Variants in PCNX1 observed in about 807,000 individuals in gnomAD.
The protein encoded by PCNX1 is pecanex-like protein 1.
A neutral mutation model predicts 242.2 loss-of-function variants in PCNX1; 78 were observed. The observed-to-expected ratio is 0.32, with a 90% CI of 0.27 to 0.39. The LOEUF (loss-of-function observed/expected upper bound fraction) is 0.39. Ranked by LOEUF, PCNX1 falls within the 10% of genes least tolerant of loss-of-function variation. The pLI is 1.00. For synonymous variants in PCNX1, 1,024 were observed against 1,032.9 expected, an observed-to-expected ratio of 0.99 and a Z score of 0.17; for missense variants, 2,581 against 2,856.5, an observed-to-expected ratio of 0.90 and a Z score of 2.20.
At chr14:70,979,710 A>T (rs2058781119) in intron 6 of PCNX1, among the ~76,000 whole-genome samples, 1 of 152,114 alleles carries the variant, frequency 6.6e-6, no homozygotes, top group African/African-American at 2.4e-5. Flanking sequence ...TTTTTCTCAA[A>T]GATGTTAATT....
chr14:70,965,314 A>C (rs2058343845), intron 3 of PCNX1: 1 of 152,176 alleles, frequency 6.6e-6, no homozygotes, highest in Non-Finnish European at 1.5e-5. Flanking sequence ...ATACTGAAAG[A>C]GATTGTGATC....
chr14:70,968,607 A>G (rs1302117237), intron 4 of PCNX1, among the ~76,000 whole-genome samples: 2 of 152,216 alleles, frequency 1.3e-5, no homozygotes, highest in African/African-American at 4.8e-5. Context: ...AACAAAAAAG[A>G]GCAAGTTATT....
intron 1 of PCNX1, among the ~76,000 whole-genome samples, chr14:70,909,912 G>T (rs750427242): frequency 3.2e-4 from 48 of 152,074 alleles, no homozygotes; most frequent in Non-Finnish European, 5.0e-4. Flanking sequence ...CTTGAGAAAT[G>T]AACTTCCAAA....
At chr14:71,080,770 T>C (rs2061834414) in intron 28 of PCNX1, among the ~76,000 whole-genome samples, 1 of 152,234 alleles carries the variant, frequency 6.6e-6, no homozygotes, top group Admixed American at 6.5e-5. Context: ...GATTTTGGGC[T>C]GAGACAGTGG....
intron 7 of PCNX1, among the ~76,000 whole-genome samples, chr14:70,988,987 CT>C (rs369000511): frequency 8.6e-4 from 124 of 144,300 alleles, no homozygotes; most frequent in South Asian, 3.5e-3. Flanking sequence ...GTCAGCTTTC[CT>C]TTTTTTTTTT....
At chr14:71,043,593 T>G (rs1224256960) in intron 19 of PCNX1, among the ~76,000 whole-genome samples, 1 of 151,160 alleles carries the variant, frequency 6.6e-6, no homozygotes, top group African/African-American at 2.4e-5. Context: ...TTTCTTCTGC[T>G]AGATCTAATC....
In PCNX1 at chr14:70,995,850, A is replaced by G; in HGVS notation, c.2554A>G (p.Asn852Asp). 1.2e-6 allele frequency: 2 copies of G among 1,614,034 alleles called. No individual in the cohort carries two copies. The highest frequency in any genetic ancestry group is 1.7e-6 in the Non-Finnish European group (2 of 1,179,944). The change falls in exon 8 of 36, where the codon AAT (asparagine) becomes GAT (aspartate). Residue 852 changes from asparagine to aspartate, a missense_variant. Transcript: ENST00000304743. ...TGCTAGTGCCTCCTTGCTGGTGAGA[A>G]ATGGGAGTGTCCACTTAGAAGCATC... ...LSASASLLVR[N>D]GSVHLEASHD...
chr14:70,908,114 C>G, intron 1 of PCNX1, 111 bp downstream of exon 1: 2 of 1,052,582 alleles, frequency 1.9e-6, no homozygotes, highest in Non-Finnish European at 2.6e-6. Flanking sequence ...GGGGCCGCCA[C>G]CCTCTCGGTG....
chr14:71,027,160 G>A (rs1043335478), intron 15 of PCNX1: 1 of 286,016 alleles, frequency 3.5e-6, no homozygotes, highest in African/African-American at 2.2e-5. Context: ...GAATTTACAT[G>A]GAGCCTACAT....
chr14:71,088,294 C>T (rs1287238131), intron 28 of PCNX1, 36 bp from the exon 29 acceptor site: 2 of 1,203,546 alleles, frequency 1.7e-6, no homozygotes, highest in Admixed American at 1.7e-5. Flanking sequence ...TACTTACATA[C>T]CTTTCTGATA....
rs765395307 is a variant in PCNX1 at position 71,109,606 on chromosome 14, C to G, written c.6885+14C>G. 6.2e-7 allele frequency: 1 copy of G among 1,613,828 alleles called. No individual in the cohort carries two copies. Among genetic ancestry groups the G allele is most frequent in the Non-Finnish European group, 8.5e-7 (1 of 1,179,866 alleles). On this transcript the variant is annotated intron_variant, in intron 35 of 35. Coordinates refer to ENST00000304743, the MANE Select transcript of PCNX1 (RefSeq NM_014982.3). Reference sequence around the variant, plus strand: ...ATGGAAGGCCATGTAAGTTCTTTTACAAGCTGGCGGTCTGGGGCTCTGCCT... The same window carrying G: ...ATGGAAGGCCATGTAAGTTCTTTTAGAAGCTGGCGGTCTGGGGCTCTGCCT...
At chr14:70,996,908 T>C (rs1173116674) in intron 8 of PCNX1, among the ~76,000 whole-genome samples, 1 of 152,166 alleles carries the variant, frequency 6.6e-6, no homozygotes, top group African/African-American at 2.4e-5. Context: ...GTAAAAATGC[T>C]GAGTTGTAGA....
chr14:71,037,168 T>C (rs1382111844), intron 19 of PCNX1, among the ~76,000 whole-genome samples: 2 of 151,160 alleles, frequency 1.3e-5, no homozygotes, highest in Non-Finnish European at 3.0e-5. Context: ...AAGTTGCTTA[T>C]CAGCTTAAGG....
At position 70,966,717 on chromosome 14, in the gene PCNX1, C is replaced by T. The variant is rs565496319; in HGVS notation, c.469-1481C>T. Reference sequence around the variant, plus strand: ...CTTCTGAGCAAATGACTACCATATCCGTGTTTAAAAATTTTTTTTTTAAGT... The same window carrying T: ...CTTCTGAGCAAATGACTACCATATCTGTGTTTAAAAATTTTTTTTTTAAGT... On this transcript the variant is annotated intron_variant, in intron 3 of 35. Coordinates refer to ENST00000304743, the MANE Select transcript of PCNX1 (RefSeq NM_014982.3). Among the ~76,000 whole-genome samples the T allele has an allele frequency of 1.6e-3, 241 of 152,182 alleles. 1 individual carries two copies. The highest frequency in any genetic ancestry group is 2.6e-3 in the Admixed American group (39 of 15,294).
intron 7 of PCNX1, among the ~76,000 whole-genome samples, chr14:70,991,330 G>A (rs2059159927): frequency 6.6e-6 from 1 of 151,160 alleles, no homozygotes; most frequent in Admixed American, 6.6e-5. Context: ...TCAGCCTCCT[G>A]AGTAGCTGGG....
At chr14:71,040,657 C>T (rs2060677656) in intron 19 of PCNX1, among the ~76,000 whole-genome samples, 1 of 151,836 alleles carries the variant, frequency 6.6e-6, no homozygotes, top group African/African-American at 2.4e-5. Flanking sequence ...GGTATTCATC[C>T]CCTCAAGCAT....
intron 16 of PCNX1, chr14:71,032,007 G>T: frequency 1.0e-6 from 1 of 976,312 alleles, no homozygotes; most frequent in Non-Finnish European, 1.6e-6. Context: ...AAGAATTCAA[G>T]ACACGGACAC....
At chr14:70,976,812 T>C in intron 5 of PCNX1, 130 bp from the exon 6 acceptor site, 2 of 756,270 alleles carry the variant, frequency 2.6e-6, no homozygotes, top group East Asian at 2.6e-5. Flanking sequence ...AGAAAGCAGC[T>C]CTTTGGAGAA....
intron 19 of PCNX1, among the ~76,000 whole-genome samples, chr14:71,040,146 C>A (rs1196192933): frequency 1.3e-5 from 2 of 152,130 alleles, no homozygotes; most frequent in Non-Finnish European, 2.9e-5. Context: ...TTCTTGCTGT[C>A]CTAGGACATT....
Sources: gnomAD v4.1 joint callset for allele counts (sites outside exome capture counted in the v4.1 genomes callset) on GRCh38, gnomAD v4.1.1 for gene constraint, MANE v1.5 for transcripts, NCBI Gene and HGNC (gene_info 2026-07-23, HGNC 2026-07-21) for gene names.